The following MAGI2 variants were observed in gnomAD, a reference collection of about 807,000 sequenced individuals.
MAGI2 encodes the protein membrane associated guanylate kinase, WW and PDZ domain containing 2, also known as membrane-associated guanylate kinase, WW and PDZ domain-containing protein 2.
In MAGI2, 35 loss-of-function variants were observed where a neutral mutation model predicts 133.3. The ratio of observed to expected loss-of-function variants is 0.26; its 90% confidence interval spans 0.20 to 0.35. The LOEUF (loss-of-function observed/expected upper bound fraction) is 0.35. MAGI2 is among the 10% of genes least tolerant of loss of function. The pLI is 1.00. For synonymous variants in MAGI2, 729 were observed against 710.6 expected (o/e 1.03, Z -0.41); for missense variants, 1,636 against 1,863.4 (o/e 0.88, Z 2.25).
rs553609201 is a variant in MAGI2 at position 78,855,429 on chromosome 7, A to G, written c.418+151661T>C. Among the ~76,000 whole-genome samples the G allele has an allele frequency of 8.1e-3, 1,231 of 152,138 alleles. 12 individuals carry two copies. Among genetic ancestry groups the G allele is most frequent in the Middle Eastern group, 0.027 (8 of 294 alleles). ...CTCCCTCCACCCCATGACAGGCCCC[A>G]GTGTGTGATGTTCCCCACCCTGTAT... is the stretch of plus-strand genomic sequence containing the variant. On this transcript the variant is annotated intron_variant, in intron 2 of 21. Coordinates refer to ENST00000354212, the MANE Select transcript of MAGI2 (RefSeq NM_012301.4).
chr7:79,104,137 A>C (rs1584937948), intron 1 of MAGI2, among the ~76,000 whole-genome samples: 1 of 152,240 alleles, frequency 6.6e-6, no homozygotes, highest in Non-Finnish European at 1.5e-5. Context: ...ATAAAGCAAA[A>C]CCATTCTAAA....
chr7:78,123,050 T>C (rs1820616683), intron 20 of MAGI2, among the ~76,000 whole-genome samples: 1 of 152,246 alleles, frequency 6.6e-6, no homozygotes, highest in African/African-American at 2.4e-5. Context: ...AAAATCTGAA[T>C]GTCCATTGTG....
chr7:79,173,233 T>A (rs926377595), intron 1 of MAGI2, among the ~76,000 whole-genome samples: 36 of 152,046 alleles, frequency 2.4e-4, no homozygotes, highest in Middle Eastern at 3.2e-3. Context: ...TAAGAAACAT[T>A]GCTAATACTC....
chr7:78,530,329 C>T (rs1797357249), intron 3 of MAGI2, among the ~76,000 whole-genome samples: 1 of 152,238 alleles, frequency 6.6e-6, no homozygotes, highest in Non-Finnish European at 1.5e-5. Context: ...TAGCAACACT[C>T]TCTCATTCTG....
intron 1 of MAGI2, among the ~76,000 whole-genome samples, chr7:79,214,328 A>C (rs1829767856): frequency 7.3e-6 from 1 of 136,758 alleles, no homozygotes; most frequent in Non-Finnish European, 1.5e-5. Flanking sequence ...TACAGCATCT[A>C]TGCCCAGGAC....
At chr7:78,788,446 T>A (rs557180964) in intron 2 of MAGI2, among the ~76,000 whole-genome samples, 1 of 152,264 alleles carries the variant, frequency 6.6e-6, no homozygotes, top group East Asian at 1.9e-4. Context: ...ATCCTTCATA[T>A]CCTAACTTTA....
At chr7:79,418,874 C>G (rs1041001551) in intron 1 of MAGI2, among the ~76,000 whole-genome samples, 5 of 89,616 alleles carry the variant, frequency 5.6e-5, no homozygotes, top group Non-Finnish European at 1.0e-4. Flanking sequence ...CACACGCACA[C>G]ACACACACAC....
At chr7:78,386,347 G>C (rs1795389919) in intron 6 of MAGI2, among the ~76,000 whole-genome samples, 1 of 152,104 alleles carries the variant, frequency 6.6e-6, no homozygotes, top group South Asian at 2.1e-4. Flanking sequence ...AGGAAACGAA[G>C]GAACATGGAA....
chr7:78,477,404 G>A (rs193076166), intron 6 of MAGI2, among the ~76,000 whole-genome samples: 1 of 151,962 alleles, frequency 6.6e-6, no homozygotes, highest in Admixed American at 6.6e-5. Flanking sequence ...AATTTACCCT[G>A]TAAGTTTAAG....
chr7:78,566,543 A>AC (rs1554478016), intron 3 of MAGI2, among the ~76,000 whole-genome samples: 2 of 151,708 alleles, frequency 1.3e-5, no homozygotes, highest in Non-Finnish European at 2.9e-5. Flanking sequence ...TAAAAAAAAA[A>AC]AAAAAAACAG....
intron 1 of MAGI2, among the ~76,000 whole-genome samples, chr7:79,108,916 C>T (rs1412797806): frequency 1.3e-5 from 2 of 152,146 alleles, no homozygotes; most frequent in Non-Finnish European, 2.9e-5. Flanking sequence ...TCTTTGGCTC[C>T]TGCTTTAGTC....
chr7:78,021,638 T>G (rs1808403651), intron 21 of MAGI2, among the ~76,000 whole-genome samples: 1 of 152,238 alleles, frequency 6.6e-6, no homozygotes, highest in Admixed American at 6.5e-5. Flanking sequence ...CGTTTCTCAT[T>G]CTATGTGAAA....
chr7:78,839,631 G>T (rs1164407357), intron 2 of MAGI2, among the ~76,000 whole-genome samples: 3 of 151,968 alleles, frequency 2.0e-5, no homozygotes, highest in Admixed American at 1.3e-4. Flanking sequence ...GAACAAAGGA[G>T]GAACTTCCAA....
chr7:78,388,232 A>G (rs1036612711), intron 6 of MAGI2, among the ~76,000 whole-genome samples: 4 of 152,086 alleles, frequency 2.6e-5, no homozygotes, highest in African/African-American at 4.8e-5. Flanking sequence ...AAGAGTAGGT[A>G]CTGCTATGAT....
intron 1 of MAGI2, among the ~76,000 whole-genome samples, chr7:79,120,876 C>T (rs1210252646): frequency 6.6e-6 from 1 of 152,066 alleles, no homozygotes; most frequent in Admixed American, 6.6e-5. Flanking sequence ...ATATATACTT[C>T]TCTGGATTTT....
chr7:79,077,714 T>C (rs1815658587), intron 1 of MAGI2, among the ~76,000 whole-genome samples: 1 of 151,950 alleles, frequency 6.6e-6, no homozygotes, highest in Non-Finnish European at 1.5e-5. Flanking sequence ...ATATATTTTG[T>C]AGCCTTGTTT....
chr7:78,156,359 G>C (rs1455174866), intron 16 of MAGI2, among the ~76,000 whole-genome samples: 1 of 152,184 alleles, frequency 6.6e-6, no homozygotes, highest in Non-Finnish European at 1.5e-5. Flanking sequence ...CCCAGATTTA[G>C]CTGCCCTGGG....
At chr7:78,134,826 C>G in intron 17 of MAGI2, 195 bp downstream of exon 17, 2 of 557,984 alleles carry the variant, frequency 3.6e-6, no homozygotes, top group Non-Finnish European at 6.4e-6. Flanking sequence ...GAAACAGGTA[C>G]TGAGTAAACA....
chr7:78,266,702 C>T lies in MAGI2; in HGVS notation c.1409-10121G>A, dbSNP rs571823185. On this transcript the variant is annotated intron_variant, in intron 9 of 21. Transcript: ENST00000354212. ...AAGCAATTCTCCTGTCTCAGCCTCC[C>T]GAGTAGCTGGGACTACAGGATCACG... Among the ~76,000 whole-genome samples, 5 of 152,018 alleles carry T rather than the reference C, an allele frequency of 3.3e-5. No homozygotes were observed. In the East Asian group the frequency reaches 5.9e-4, roughly 18 times the overall value.
Sources: gnomAD v4.1 joint callset for allele counts (sites outside exome capture counted in the v4.1 genomes callset) on GRCh38, gnomAD v4.1.1 for gene constraint, MANE v1.5 for transcripts, NCBI Gene and HGNC (gene_info 2026-07-23, HGNC 2026-07-21) for gene names.